Variants in PEX1 observed in about 807,000 individuals in gnomAD.
PEX1 encodes the protein peroxisomal biogenesis factor 1.
In PEX1, 97 loss-of-function variants were observed where a neutral mutation model predicts 152.5. The observed-to-expected ratio is 0.64, with a 90% confidence interval of 0.54 to 0.75. The LOEUF is 0.75. Among genes scored for constraint, PEX1 ranks in the 30% least tolerant of loss-of-function variants. PEX1 has a pLI of 0.00. For synonymous variants in PEX1, 485 were observed against 531.6 expected, an observed-to-expected ratio of 0.91 and a Z score of 1.21; for missense variants, 1,357 against 1,516.3, an observed-to-expected ratio of 0.89 and a Z score of 1.74.
chr7:92,519,441 A>G (rs966262973), intron 2 of PEX1, among the ~76,000 whole-genome samples: 4 of 152,244 alleles, frequency 2.6e-5, no homozygotes, highest in Admixed American at 6.5e-5. Context: ...CTTAGCCAAG[A>G]CTTGATATAC....
intron 9 of PEX1, among the ~76,000 whole-genome samples, chr7:92,508,367 T>C (rs985201697): frequency 2.6e-5 from 4 of 152,016 alleles, no homozygotes; most frequent in Non-Finnish European, 5.9e-5. Context: ...TGAAACCCCA[T>C]CTCTACTAAA....
Sources: allele counts gnomAD v4.1 joint callset (sites outside exome capture counted in the v4.1 genomes callset), GRCh38; gene constraint gnomAD v4.1.1; transcripts MANE v1.5; gene names NCBI Gene and HGNC (gene_info 2026-07-23, HGNC 2026-07-21).